The following CNKSR2 variants were observed in gnomAD, a reference collection of about 807,000 sequenced individuals.
The protein encoded by CNKSR2 is connector enhancer of kinase suppressor of Ras 2.
In CNKSR2, 14 loss-of-function variants were observed where a neutral mutation model predicts 84.4. That is an observed-to-expected ratio of 0.17 (90% CI 0.11 to 0.26). The LOEUF (loss-of-function observed/expected upper bound fraction) is 0.26. Among genes scored for constraint, CNKSR2 ranks in the 10% least tolerant of loss-of-function variants. CNKSR2 has a pLI of 1.00. For synonymous variants in CNKSR2, 275 were observed against 277.9 expected, an observed-to-expected ratio of 0.99 and a Z score of 0.10; for missense variants, 485 against 771.2, an observed-to-expected ratio of 0.63 and a Z score of 4.40.
At position 21,646,455 on chromosome X, in the gene CNKSR2, A is replaced by G. The variant is rs1470726298; in HGVS notation, c.2693-2376A>G. ...TCCTTCTTAAAGTAAAACTACATTGAAATTTTATAAAATCAGTTATCTGCC... is the reference window on the plus strand; with the variant it reads ...TCCTTCTTAAAGTAAAACTACATTGGAATTTTATAAAATCAGTTATCTGCC... On this transcript the variant is annotated intron_variant, in intron 20 of 21. Transcript: ENST00000379510. 8.0e-5 allele frequency among the ~76,000 whole-genome samples: 9 copies of G among 112,088 alleles called. No homozygotes were observed. The South Asian group carries it at 3.4e-3, about 42-fold the overall frequency.
intron 15 of CNKSR2, 31 bp from the exon 16 acceptor site, chrX:21,594,943 A>G (rs760256638): frequency 1.8e-6 from 2 of 1,127,618 alleles, no homozygotes; most frequent in Non-Finnish European, 2.4e-6. Context: ...CTTTGTATAT[A>G]ATAAACTAAC....
chrX:21,572,153 G>C (rs1203957287), intron 13 of CNKSR2, among the ~76,000 whole-genome samples: 3 of 112,366 alleles, frequency 2.7e-5, no homozygotes, highest in African/African-American at 9.7e-5. Flanking sequence ...GGAACAGTCT[G>C]TACTATGAAA....
intron 1 of CNKSR2, among the ~76,000 whole-genome samples, chrX:21,400,245 G>T (rs2090172235): frequency 9.1e-6 from 1 of 110,118 alleles, no homozygotes. Flanking sequence ...AGATTACCGA[G>T]AAAATGTATA....
At chrX:21,619,701 C>T (rs774742511) in intron 20 of CNKSR2, among the ~76,000 whole-genome samples, 1 of 110,487 alleles carries the variant, frequency 9.1e-6, no homozygotes, top group South Asian at 3.9e-4. Context: ...GAAATGGACA[C>T]TGTAAAGCAT....
intron 4 of CNKSR2, among the ~76,000 whole-genome samples, chrX:21,447,276 C>T (rs1027962014): frequency 2.7e-5 from 3 of 111,514 alleles, no homozygotes. Flanking sequence ...TATATACCTA[C>T]ATTTAAGTGT....
chrX:21,592,826 A>T (rs1173059681), intron 15 of CNKSR2: 4 of 110,159 alleles, frequency 3.6e-5, no homozygotes, highest in Non-Finnish European at 7.6e-5. Flanking sequence ...ATAGATATAT[A>T]TTAAATACTT....
At chrX:21,631,011 T>TAA (rs2092645419) in intron 20 of CNKSR2, among the ~76,000 whole-genome samples, 1 of 110,602 alleles carries the variant, frequency 9.0e-6, no homozygotes, top group Non-Finnish European at 1.9e-5. Context: ...AGCTAATTTT[T>TAA]AATATTGGGA....
In CNKSR2 at chrX:21,587,326, G is replaced by C. The variant is rs1346622252; in HGVS notation, c.1609-3246G>C. Among the ~76,000 whole-genome samples the C allele has an allele frequency of 8.0e-5, 9 of 111,943 alleles. No individual in the cohort carries two copies. In the Admixed American group the frequency reaches 8.5e-4, roughly 11 times the overall value. Reference sequence around the variant, plus strand: ...TTGCCACTCACAGACTGCTGTGAAAGAACTTCTAAAGAATATACTTACTTG... The same window carrying C: ...TTGCCACTCACAGACTGCTGTGAAACAACTTCTAAAGAATATACTTACTTG... On this transcript the variant is annotated intron_variant, in intron 13 of 21. Coordinates refer to ENST00000379510, the MANE Select transcript of CNKSR2 (RefSeq NM_014927.5).
intron 1 of CNKSR2, among the ~76,000 whole-genome samples, chrX:21,389,811 A>G (rs1277673874): frequency 8.9e-6 from 1 of 112,696 alleles, no homozygotes; most frequent in Non-Finnish European, 1.9e-5. Flanking sequence ...ACGTGTGAAC[A>G]TTTTTTAAAT....
chrX:21,499,406 T>C (rs1319916031), intron 7 of CNKSR2, among the ~76,000 whole-genome samples: 1 of 111,411 alleles, frequency 9.0e-6, no homozygotes, highest in African/African-American at 3.3e-5. Context: ...TAGTAAATAC[T>C]GCCAAGTGAA....
intron 20 of CNKSR2, among the ~76,000 whole-genome samples, chrX:21,633,722 C>T (rs1252406565): frequency 8.9e-6 from 1 of 112,115 alleles, no homozygotes; most frequent in Non-Finnish European, 1.9e-5. Context: ...TTGTATTTTT[C>T]CATAAGAACA....
chrX:21,440,017 C>T (rs2090763511), intron 3 of CNKSR2, among the ~76,000 whole-genome samples: 1 of 109,691 alleles, frequency 9.1e-6, no homozygotes, highest in African/African-American at 3.3e-5. Context: ...AAAATATTAC[C>T]AAACTAAATC....
At chrX:21,490,415 A>G (rs2091429986) in intron 5 of CNKSR2, 44 bp from the exon 6 acceptor site, 2 of 1,159,578 alleles carry the variant, frequency 1.7e-6, no homozygotes, top group East Asian at 6.2e-5. Context: ...TATGTTACTT[A>G]CAACACGTAT....
chrX:21,433,783 T>C (rs957628874), intron 3 of CNKSR2, among the ~76,000 whole-genome samples: 2 of 109,437 alleles, frequency 1.8e-5, no homozygotes, highest in African/African-American at 6.6e-5. Context: ...ATTGAGATAA[T>C]TTTCCTTAAT....
intron 13 of CNKSR2, among the ~76,000 whole-genome samples, chrX:21,585,536 A>G (rs2092381485): frequency 9.1e-6 from 1 of 109,900 alleles, no homozygotes; most frequent in African/African-American, 3.3e-5. Flanking sequence ...GTTGACTCCA[A>G]GGTTTTGTAC....
At chrX:21,629,558 G>A (rs1041167725) in intron 20 of CNKSR2, among the ~76,000 whole-genome samples, 1 of 111,726 alleles carries the variant, frequency 9.0e-6, no homozygotes, top group African/African-American at 3.3e-5. Flanking sequence ...ACTTGGATGG[G>A]GTCAGGCAAA....
rs750192656 is a variant in CNKSR2, at chrX:21,573,950, AT to A, written c.1608+10499del. Among the ~76,000 whole-genome samples, 8 of 111,345 alleles carry A rather than the reference AT, an allele frequency of 7.2e-5. No individual in the cohort carries two copies. The East Asian group carries it at 2.3e-3, about 31-fold the overall frequency. ...CAGGCTGTAACTTTTCCAAATTTTTATGGTCTGCTTCCTCTTGAACACTTTG... is the reference window on the plus strand; with the variant it reads ...CAGGCTGTAACTTTTCCAAATTTTTAGGTCTGCTTCCTCTTGAACACTTTG... On this transcript the variant is annotated intron_variant, in intron 13 of 21. Transcript: ENST00000379510.
At chrX:21,539,641 G>A (rs774762389) in intron 11 of CNKSR2, among the ~76,000 whole-genome samples, 1 of 111,339 alleles carries the variant, frequency 9.0e-6, no homozygotes, top group South Asian at 3.7e-4. Context: ...AATTTTGTGG[G>A]TTTGCTTTCA....
chrX:21,416,212 G>C (rs1179565212), intron 1 of CNKSR2, among the ~76,000 whole-genome samples: 1 of 111,753 alleles, frequency 8.9e-6, no homozygotes, highest in African/African-American at 3.2e-5. Flanking sequence ...GATGGTTTTT[G>C]TTCGTTATTC....
Sources: allele counts gnomAD v4.1 joint callset (sites outside exome capture counted in the v4.1 genomes callset), GRCh38; gene constraint gnomAD v4.1.1; transcripts MANE v1.5; gene names NCBI Gene and HGNC (gene_info 2026-07-23, HGNC 2026-07-21).